Variants in ALX3 observed in about 807,000 individuals in gnomAD.
ALX3 encodes ALX homeobox 3, also known as homeobox protein aristaless-like 3.
In ALX3, 17 loss-of-function variants were observed where a neutral mutation model predicts 26.3. That is an observed-to-expected ratio of 0.65 (90% confidence interval 0.44 to 0.97). ALX3 has a LOEUF of 0.97. Ranked by LOEUF, ALX3 falls within the 50% of genes least tolerant of loss-of-function variation. The pLI is 0.00. For missense variants in ALX3, 461 were observed against 466.5 expected, an observed-to-expected ratio of 0.99 and a Z score of 0.11; for synonymous variants, 208 against 201.4, an observed-to-expected ratio of 1.03 and a Z score of -0.28.
intron 2 of ALX3, chr1:110,061,849 TGTG>T: frequency 2.1e-6 from 1 of 485,750 alleles, no homozygotes; most frequent in Non-Finnish European, 3.7e-6. Flanking sequence ...GTAAGGGTGT[TGTG>T]GGGGCATCTG....
At chr1:110,065,134 G>A (rs373270237) in intron 1 of ALX3, among the ~76,000 whole-genome samples, 5 of 152,210 alleles carry the variant, frequency 3.3e-5, no homozygotes, top group African/African-American at 4.8e-5. Flanking sequence ...TGGTCTGGGC[G>A]GATCTGCTGG....
At chr1:110,065,189 G>A (rs144577161) in intron 1 of ALX3, among the ~76,000 whole-genome samples, 14 of 152,274 alleles carry the variant, frequency 9.2e-5, no homozygotes, top group Non-Finnish European at 1.5e-4. Flanking sequence ...GTGGTGGTGC[G>A]TTCCACAGGG....
intron 2 of ALX3, among the ~76,000 whole-genome samples, chr1:110,062,770 T>A (rs898822964): frequency 6.6e-6 from 1 of 152,040 alleles, no homozygotes; most frequent in African/African-American, 2.4e-5. Context: ...GCTCCCAGAT[T>A]GCCAAGATAA....
chr1:110,063,288 CA>C (rs1653697792), intron 2 of ALX3, among the ~76,000 whole-genome samples: 2 of 152,206 alleles, frequency 1.3e-5, no homozygotes, highest in African/African-American at 4.8e-5. Context: ...TGGCTTATAT[CA>C]TCTGGGGTTG....
At chr1:110,062,646 G>GTGTGTGTGTGTGTGTGTGCGTGTGTGTC in intron 2 of ALX3, 3 of 126,238 alleles carry the variant, frequency 2.4e-5, no homozygotes, top group African/African-American at 8.5e-5. Flanking sequence ...TGTGTGTGTG[G>GTGTGTGTGTGTGTGTGTGCGTGTGTGTC]AGTAATCCGT....
rs121908169 is a variant in ALX3 at position 110,064,638 on chromosome 1, A to T, written c.543T>A (p.Tyr181Ter). Residue 181 changes from tyrosine (Y) to a stop codon, truncating the protein, a stop_gained, in exon 2 of 4, where the codon TAT becomes TAA. Transcript: ENST00000647563. LOFTEE classifies it high-confidence loss of function. Reference protein sequence around the residue: ...VFQKTHYPDVYAREQLALRTD... With the variant: ...VFQKTHYPDV The stretch of plus-strand genomic sequence containing the variant: ...TGCGCAGGGCCAGCTGCTCCCGGGC[A>T]TACACATCAGGATAGTGGGTTTTCT... 6 of 1,614,030 alleles carry T rather than the reference A, an allele frequency of 3.7e-6. No individual in the cohort carries two copies. The highest frequency in any genetic ancestry group is 5.1e-6 in the Non-Finnish European group (6 of 1,180,044).
At chr1:110,066,577 C>CCCCG (rs1653792347) in intron 1 of ALX3, among the ~76,000 whole-genome samples, 1 of 124,310 alleles carries the variant, frequency 8.0e-6, no homozygotes, top group African/African-American at 3.0e-5. Context: ...GGACATCCCC[C>CCCCG]CCCCCCGCCC....
intron 1 of ALX3, among the ~76,000 whole-genome samples, chr1:110,069,113 C>T (rs1384635585): frequency 6.6e-6 from 1 of 152,264 alleles, no homozygotes; most frequent in Admixed American, 6.5e-5. Context: ...TCAGAGGAGC[C>T]AGGCCAACTG....
intron 1 of ALX3, among the ~76,000 whole-genome samples, chr1:110,066,617 G>A (rs953876081): frequency 1.1e-4 from 12 of 110,420 alleles, no homozygotes; most frequent in Admixed American, 1.4e-4. Context: ...CATACACACA[G>A]CAGGCCATGG....
chr1:110,070,296 G>C (rs745380969), intron 1 of ALX3, 40 bp downstream of exon 1: 3 of 1,290,784 alleles, frequency 2.3e-6, no homozygotes, highest in African/African-American at 3.0e-5. Context: ...AAGAAGAAGA[G>C]AGGGTCGGGC....
chr1:110,061,014 C>T lies in ALX3; in HGVS notation c.751G>A (p.Gly251Arg), dbSNP rs777405716. The change falls in exon 4 of 4, where the codon GGA (glycine) becomes AGA (arginine). Residue 251 changes from glycine (G) to arginine (R), a missense_variant. By Grantham distance (125) the Gly-to-Arg change is moderately radical. Coordinates refer to ENST00000647563, the MANE Select transcript of ALX3 (RefSeq NM_006492.3). ...CAGGGGCCTCCAGGGCTCCCAGATCCTGGACTGGCCCACAGGGAGTTCTGC... is the reference window on the plus strand; with the variant it reads ...CAGGGGCCTCCAGGGCTCCCAGATCTTGGACTGGCCCACAGGGAGTTCTGC... ...QLQNSLWASP[G>R]SGSPGGPCLV... 3 of 1,610,640 alleles carry T rather than the reference C, an allele frequency of 1.9e-6. No individual in the cohort carries two copies. Among genetic ancestry groups the T allele is most frequent in the South Asian group, 1.1e-5 (1 of 90,572 alleles).
chr1:110,060,724 T>G lies in ALX3; in HGVS notation c.*9A>C. ...GTGGGCAGCTCATTCTGCAGGTCCA[T>G]GCAACCGATCACGTGGTCCAGTTCA... On this transcript the variant is annotated 3_prime_UTR_variant, in exon 4 of 4. Coordinates refer to ENST00000647563, the MANE Select transcript of ALX3 (RefSeq NM_006492.3). 1 of 1,427,726 alleles carries G rather than the reference T, an allele frequency of 7.0e-7. No individual in the cohort carries two copies. Among genetic ancestry groups the G allele is most frequent in the East Asian group, 2.8e-5 (1 of 36,008 alleles). 88.4% of individuals were successfully genotyped at this position (1,427,726 alleles called of 1,614,324 possible).
At chr1:110,064,530 T>C in intron 2 of ALX3, 57 bp downstream of exon 2, 5 of 1,596,600 alleles carry the variant, frequency 3.1e-6, no homozygotes, top group Non-Finnish European at 4.3e-6. Flanking sequence ...CCAGATCACT[T>C]TCTGGTCACT....
chr1:110,070,304 G>A, intron 1 of ALX3, 32 bp downstream of exon 1: 1 of 1,291,684 alleles, frequency 7.7e-7, no homozygotes, highest in South Asian at 3.3e-5. Context: ...GAGAGGGTCG[G>A]GCTGCGCGCT....
At chr1:110,067,597 G>C (rs767646974) in intron 1 of ALX3, among the ~76,000 whole-genome samples, 2 of 152,248 alleles carry the variant, frequency 1.3e-5, no homozygotes, top group Non-Finnish European at 2.9e-5. Flanking sequence ...CAGCGCCGCA[G>C]CAGGCCCGAG....
At chr1:110,061,152 C>G in intron 3 of ALX3, 111 bp from the exon 4 acceptor site, 1 of 1,281,834 alleles carries the variant, frequency 7.8e-7, no homozygotes. Flanking sequence ...CAGGAAACCT[C>G]CACTTGGCTC....
rs1158946989 is a variant in ALX3, at chr1:110,064,842, GC to G, written c.338del (p.Gly113AlafsTer80). 6.2e-7 allele frequency: 1 copy of G among 1,613,106 alleles called. No homozygotes were observed. Among genetic ancestry groups the G allele is most frequent in the Non-Finnish European group, 8.5e-7 (1 of 1,179,742 alleles). On this transcript the variant is annotated frameshift_variant, in exon 2 of 4. Coordinates refer to ENST00000647563, the MANE Select transcript of ALX3 (RefSeq NM_006492.3). LOFTEE classifies it high-confidence loss of function. ...GCAAGTTAGAGGGCCCGTCTCTGGG[GC>G]CCCCTCGGCAGTCCAAGGGCAGCTG... ...FPQLPLDCRG[G>X]PRDGPSNLQG...
rs1653901255 is a variant in ALX3, at chr1:110,070,662, G to A, written c.-50C>T. 5 of 1,187,928 alleles carry A rather than the reference G, an allele frequency of 4.2e-6. No individual in the cohort carries two copies. The Admixed American group carries it at 1.4e-4, about 32-fold the overall frequency. The allele number at this position is 1,187,928 out of a possible 1,614,324, so 73.6% of individuals were successfully genotyped here. ...CGGGGCTCCGGGGCTCGCGCTGCCC[G>A]CGCCGCCTGTGAGCGCCCGCCAAGG... On this transcript the variant is annotated 5_prime_UTR_variant, in exon 1 of 4. Coordinates refer to ENST00000647563, the MANE Select transcript of ALX3 (RefSeq NM_006492.3).
At position 110,070,619 on chromosome 1, in the gene ALX3, T is replaced by C; in HGVS notation, c.-7A>G. ...CGCAGTGCTCGGGGTCCATGCCGGC[T>C]CAGGGCGCACAGGCCTCCGGGGCTC... On this transcript the variant is annotated 5_prime_UTR_variant, in exon 1 of 4. Transcript: ENST00000647563. The C allele has an allele frequency of 3.3e-6, 4 of 1,227,960 alleles. No individual in the cohort carries two copies. The highest frequency in any genetic ancestry group is 4.1e-6 in the Non-Finnish European group (4 of 985,482). The allele number at this position is 1,227,960 out of a possible 1,614,324, so 76.1% of individuals were successfully genotyped here. A position where few individuals can be genotyped will look rare whatever the true frequency, so the allele number is the denominator to read the frequency against.
Sources: allele counts gnomAD v4.1 joint callset (sites outside exome capture counted in the v4.1 genomes callset), GRCh38; gene constraint gnomAD v4.1.1; transcripts MANE v1.5; gene names NCBI Gene and HGNC (gene_info 2026-07-23, HGNC 2026-07-21).